FAM135B: variants seen among roughly 807,000 people sequenced by gnomAD.
FAM135B encodes protein FAM135B.
Under a neutral mutation model 127.7 loss-of-function variants are expected in FAM135B, and 43 were observed. The observed-to-expected ratio is 0.34, with a 90% CI of 0.26 to 0.43. The LOEUF (loss-of-function observed/expected upper bound fraction) is 0.43, where lower values mean the gene tolerates loss of function less well. FAM135B is among the 20% of genes least tolerant of loss of function. FAM135B has a pLI of 1.00. For missense variants in FAM135B, 1,558 were observed against 1,725.6 expected, an observed-to-expected ratio of 0.90 and a Z score of 1.72; for synonymous variants, 670 against 665.1, an observed-to-expected ratio of 1.01 and a Z score of -0.11.
At chr8:138,184,743 T>C (rs934073903) in intron 9 of FAM135B, among the ~76,000 whole-genome samples, 1 of 152,018 alleles carries the variant, frequency 6.6e-6, no homozygotes, top group Non-Finnish European at 1.5e-5. Context: ...GATGTCCACC[T>C]AAAGGGCGAC....
At chr8:138,156,244 C>T (rs1323769929) in intron 12 of FAM135B, among the ~76,000 whole-genome samples, 1 of 152,118 alleles carries the variant, frequency 6.6e-6, no homozygotes, top group Admixed American at 6.5e-5. Context: ...TTCTTTGAAA[C>T]CCATGAGAAC....
At chr8:138,142,918 T>C (rs1036677693) in intron 16 of FAM135B, 94 bp downstream of exon 16, 13 of 709,456 alleles carry the variant, frequency 1.8e-5, no homozygotes, top group African/African-American at 1.4e-4. Flanking sequence ...CTCAGTGGTA[T>C]ACAGAAGGCA....
intron 11 of FAM135B, among the ~76,000 whole-genome samples, chr8:138,176,941 T>C (rs547156500): frequency 5.9e-5 from 9 of 152,200 alleles, no homozygotes; most frequent in Non-Finnish European, 1.0e-4. Context: ...AATTACGTAG[T>C]TCAGACTTAA....
At chr8:138,448,607 C>A (rs996109467) in intron 1 of FAM135B, among the ~76,000 whole-genome samples, 1 of 152,100 alleles carries the variant, frequency 6.6e-6, no homozygotes, top group Non-Finnish European at 1.5e-5. Flanking sequence ...GCACCATCAG[C>A]TCTCCTGGGC....
chr8:138,327,929 C>G (rs1442236776), intron 2 of FAM135B, among the ~76,000 whole-genome samples: 1 of 152,108 alleles, frequency 6.6e-6, no homozygotes, highest in Non-Finnish European at 1.5e-5. Flanking sequence ...AGAGAGACTT[C>G]ATATTGCAAG....
intron 7 of FAM135B, among the ~76,000 whole-genome samples, chr8:138,205,847 G>A (rs1817510735): frequency 6.6e-6 from 1 of 152,004 alleles, no homozygotes; most frequent in African/African-American, 2.4e-5. Context: ...TGGAACTGAG[G>A]GGTGGGCCTA....
At position 138,130,446 on chromosome 8, in the gene FAM135B, C is replaced by T. The variant is rs1003711316; in HGVS notation, c.*2147G>A. On this transcript the variant is annotated 3_prime_UTR_variant, in exon 20 of 20. Transcript: ENST00000395297. ...AGCTGGACGTTTATTGCCATTAGTT[C>T]TCACTATGTCCAGACAGCATATTGA... 6.6e-6 allele frequency: 1 copy of T among 152,056 alleles called. No homozygotes were observed. The highest frequency in any genetic ancestry group is 1.5e-5 in the Non-Finnish European group (1 of 68,030). 9.4% of individuals were successfully genotyped at this position (152,056 alleles called of 1,614,324 possible).
At chr8:138,246,888 T>C (rs1480207335) in intron 6 of FAM135B, among the ~76,000 whole-genome samples, 1 of 152,208 alleles carries the variant, frequency 6.6e-6, no homozygotes, top group Non-Finnish European at 1.5e-5. Flanking sequence ...TGGGAGCCCA[T>C]CTCTTGCATC....
chr8:138,346,405 G>A (rs78008441), intron 2 of FAM135B, among the ~76,000 whole-genome samples: 12,030 of 152,170 alleles, frequency 0.079, 898 homozygotes, highest in East Asian at 0.27. Context: ...TAGCAAAGAC[G>A]TGGAATCAAC....
chr8:138,236,459 T>G (rs1205512370), intron 7 of FAM135B, among the ~76,000 whole-genome samples: 1 of 151,666 alleles, frequency 6.6e-6, no homozygotes, highest in Admixed American at 6.6e-5. Context: ...TATTATCACA[T>G]CCTTCCAAAG....
chr8:138,307,092 ATGTCCCCACCCAAATCTCATCT>A (rs1245712804), intron 3 of FAM135B, among the ~76,000 whole-genome samples: 1 of 152,172 alleles, frequency 6.6e-6, no homozygotes, highest in Admixed American at 6.5e-5. Context: ...TGGTTTTGCT[ATGTCCCCACCCAAATCTCATCT>A]TGAATTCCCA....
intron 3 of FAM135B, among the ~76,000 whole-genome samples, chr8:138,294,938 C>A (rs1019307952): frequency 6.6e-6 from 1 of 152,066 alleles, no homozygotes; most frequent in Non-Finnish European, 1.5e-5. Context: ...TGCTGTATTT[C>A]CCATATAAGT....
chr8:138,424,831 C>T (rs1834749652), intron 1 of FAM135B, among the ~76,000 whole-genome samples: 1 of 152,110 alleles, frequency 6.6e-6, no homozygotes, highest in Admixed American at 6.5e-5. Flanking sequence ...TTCAGGATTC[C>T]ATTTTGTCTT....
chr8:138,366,566 A>T (rs563905613), intron 2 of FAM135B, among the ~76,000 whole-genome samples: 62 of 152,304 alleles, frequency 4.1e-4, no homozygotes, highest in African/African-American at 1.4e-3. Flanking sequence ...TCCCTGAAAC[A>T]GAAAGCTGAT....
At chr8:138,285,087 G>A (rs1824566717) in intron 3 of FAM135B, among the ~76,000 whole-genome samples, 1 of 146,746 alleles carries the variant, frequency 6.8e-6, no homozygotes. Flanking sequence ...TTCACTTGAT[G>A]AAATGAAATT....
At chr8:138,168,909 G>A (rs2130909951) in intron 11 of FAM135B, among the ~76,000 whole-genome samples, 1 of 152,252 alleles carries the variant, frequency 6.6e-6, no homozygotes, top group African/African-American at 2.4e-5. Flanking sequence ...GATTATGTGT[G>A]TCTGTCCATC....
At chr8:138,250,712 G>A (rs1340174093) in intron 6 of FAM135B, 129 bp downstream of exon 6, 2 of 1,035,128 alleles carry the variant, frequency 1.9e-6, no homozygotes, top group Non-Finnish European at 2.8e-6. Context: ...GAGGCCCAAA[G>A]CTTAAACCTG....
intron 12 of FAM135B, among the ~76,000 whole-genome samples, chr8:138,161,666 G>A (rs1041901735): frequency 6.6e-6 from 1 of 152,144 alleles, no homozygotes; most frequent in Non-Finnish European, 1.5e-5. Flanking sequence ...TTTGAATGAA[G>A]TTTATGATTG....
chr8:138,256,873 T>A, intron 4 of FAM135B, 114 bp from the exon 5 acceptor site: 1 of 768,136 alleles, frequency 1.3e-6, no homozygotes. Flanking sequence ...AAAATCAATG[T>A]CATTTATGCT....
Sources: gnomAD v4.1 joint callset for allele counts (sites outside exome capture counted in the v4.1 genomes callset) on GRCh38, gnomAD v4.1.1 for gene constraint, MANE v1.5 for transcripts, NCBI Gene and HGNC (gene_info 2026-07-23, HGNC 2026-07-21) for gene names.